Variants in NCKAP5 observed in about 807,000 individuals in gnomAD.
The protein encoded by NCKAP5 is NCK associated protein 5, also known as nck-associated protein 5.
NCKAP5 carries 92 observed loss-of-function variants against 167.0 expected under a neutral mutation model. The observed-to-expected ratio is 0.55, with a 90% CI of 0.47 to 0.66. The LOEUF (loss-of-function observed/expected upper bound fraction) is 0.66. NCKAP5 is among the 30% of genes least tolerant of loss of function. NCKAP5 has a pLI of 0.00. For synonymous variants in NCKAP5, 891 were observed against 877.4 expected, an observed-to-expected ratio of 1.02 and a Z score of -0.27; for missense variants, 2,378 against 2,315.0, an observed-to-expected ratio of 1.03 and a Z score of -0.56.
chr2:133,634,870 C>T, the NCKAP5 span, among the ~76,000 whole-genome samples: 2 of 148,356 alleles, frequency 1.3e-5, no homozygotes, highest in Non-Finnish European at 3.0e-5. Context: ...TCTTTCTTTT[C>T]TTTCTTTTTT....
At chr2:132,941,671 A>G (rs376758778) in intron 8 of NCKAP5, among the ~76,000 whole-genome samples, 35 of 152,318 alleles carry the variant, frequency 2.3e-4, no homozygotes, top group African/African-American at 7.5e-4. Context: ...CTGAGACTTG[A>G]TAACACTGGA....
chr2:133,175,233 A>T (rs1391017373), intron 5 of NCKAP5, among the ~76,000 whole-genome samples: 1 of 152,216 alleles, frequency 6.6e-6, no homozygotes, highest in Non-Finnish European at 1.5e-5. Flanking sequence ...TAAGATTTTA[A>T]GGGTTTAATA....
chr2:132,945,814 C>T (rs998012012), intron 8 of NCKAP5, among the ~76,000 whole-genome samples: 2 of 152,130 alleles, frequency 1.3e-5, no homozygotes, highest in African/African-American at 4.8e-5. Flanking sequence ...AGAAGTACAT[C>T]CCCAAACTTA....
chr2:133,603,700 G>A, the NCKAP5 span, among the ~76,000 whole-genome samples: 1 of 152,034 alleles, frequency 6.6e-6, no homozygotes, highest in Non-Finnish European at 1.5e-5. Flanking sequence ...CACCTCTCCT[G>A]GCTAATTTTG....
At chr2:133,483,956 GTGCC>G in intron 3 of NCKAP5, among the ~76,000 whole-genome samples, 1 of 152,326 alleles carries the variant, frequency 6.6e-6, no homozygotes, top group East Asian at 1.9e-4. Flanking sequence ...TAACATTTTA[GTGCC>G]TGTGGTTATA....
chr2:133,278,782 C>CAAAAA (rs59725110), intron 4 of NCKAP5, among the ~76,000 whole-genome samples: 213 of 94,110 alleles, frequency 2.3e-3, no homozygotes, highest in African/African-American at 7.3e-3. Context: ...CCCTAAACTA[C>CAAAAA]AAAAAAAAAA....
At chr2:132,811,587 C>T (rs928481175) in intron 11 of NCKAP5, among the ~76,000 whole-genome samples, 28 of 152,112 alleles carry the variant, frequency 1.8e-4, no homozygotes, top group African/African-American at 6.8e-4. Flanking sequence ...GGGCCGGTCT[C>T]ACTACTACCA....
At chr2:133,508,008 A>T (rs1251029279) in intron 3 of NCKAP5, among the ~76,000 whole-genome samples, 2 of 152,238 alleles carry the variant, frequency 1.3e-5, no homozygotes, top group Non-Finnish European at 2.9e-5. Context: ...ATGAATGAGA[A>T]GAAAAGATAT....
chr2:132,752,181 G>C (rs1680172958), intron 16 of NCKAP5, among the ~76,000 whole-genome samples: 1 of 152,216 alleles, frequency 6.6e-6, no homozygotes, highest in Non-Finnish European at 1.5e-5. Context: ...ACTGCATACT[G>C]AATAAATATG....
intron 3 of NCKAP5, among the ~76,000 whole-genome samples, chr2:133,476,891 T>C (rs1215832160): frequency 6.6e-6 from 1 of 152,220 alleles, no homozygotes; most frequent in Non-Finnish European, 1.5e-5. Context: ...ATTACCTCTT[T>C]TCTTTCAGAA....
chr2:132,971,912 A>G (rs2076846435), intron 7 of NCKAP5, among the ~76,000 whole-genome samples: 1 of 152,232 alleles, frequency 6.6e-6, no homozygotes, highest in African/African-American at 2.4e-5. Flanking sequence ...TTTAGAGAAC[A>G]CTACAGGTAA....
intron 19 of NCKAP5, among the ~76,000 whole-genome samples, chr2:132,694,234 T>C (rs980863551): frequency 1.3e-5 from 2 of 152,064 alleles, no homozygotes; most frequent in Non-Finnish European, 2.9e-5. Flanking sequence ...TTACATTAAT[T>C]CTCTAAAATA....
At chr2:133,238,154 C>T (rs889143729) in intron 4 of NCKAP5, among the ~76,000 whole-genome samples, 2 of 152,186 alleles carry the variant, frequency 1.3e-5, no homozygotes, top group Non-Finnish European at 2.9e-5. Flanking sequence ...AAAAAAGTGA[C>T]ACTTTAATTA....
intron 6 of NCKAP5, among the ~76,000 whole-genome samples, chr2:133,084,579 G>A (rs184547103): frequency 8.5e-5 from 13 of 152,272 alleles, no homozygotes; most frequent in Admixed American, 8.5e-4. Context: ...ACCAGGCTCT[G>A]AATCTCATTC....
chr2:132,905,040 C>T (rs1311867241), intron 8 of NCKAP5, among the ~76,000 whole-genome samples: 1 of 152,134 alleles, frequency 6.6e-6, no homozygotes, highest in African/African-American at 2.4e-5. Flanking sequence ...GTCCTTTTCC[C>T]ACCCGAGCAA....
At chr2:133,310,139 G>A (rs1288929582) in intron 3 of NCKAP5, among the ~76,000 whole-genome samples, 1 of 152,116 alleles carries the variant, frequency 6.6e-6, no homozygotes, top group Non-Finnish European at 1.5e-5. Context: ...CATGGTGAAT[G>A]CAAAAAACTC....
intron 5 of NCKAP5, among the ~76,000 whole-genome samples, chr2:133,144,838 G>T (rs1298329689): frequency 6.6e-6 from 1 of 152,128 alleles, no homozygotes; most frequent in East Asian, 1.9e-4. Context: ...GAGAGCAGAG[G>T]CTCTGCAGTC....
intron 3 of NCKAP5, among the ~76,000 whole-genome samples, chr2:133,394,704 A>G (rs1380861033): frequency 2.0e-5 from 3 of 152,252 alleles, no homozygotes. Flanking sequence ...GATGAACTTC[A>G]AAAAACACAG....
the NCKAP5 span, among the ~76,000 whole-genome samples, chr2:133,638,075 A>G: frequency 1.3e-5 from 2 of 152,178 alleles, no homozygotes; most frequent in Non-Finnish European, 2.9e-5. Flanking sequence ...AATAAACATA[A>G]CTTACAATTT....
Sources: gnomAD v4.1 joint callset for allele counts (sites outside exome capture counted in the v4.1 genomes callset) on GRCh38, gnomAD v4.1.1 for gene constraint, MANE v1.5 for transcripts, NCBI Gene and HGNC (gene_info 2026-07-23, HGNC 2026-07-21) for gene names.